HIF1AN: variants seen among roughly 807,000 people sequenced by gnomAD.
HIF1AN encodes hypoxia-inducible factor 1-alpha inhibitor.
Under a neutral mutation model 47.7 loss-of-function variants are expected in HIF1AN, and 21 were observed. That is an observed-to-expected ratio of 0.44 (90% CI 0.31 to 0.63). The LOEUF (loss-of-function observed/expected upper bound fraction) is 0.63, where lower values mean the gene tolerates loss of function less well. Among genes scored for constraint, HIF1AN ranks in the 30% least tolerant of loss-of-function variants. The pLI is 0.07. For missense variants in HIF1AN, 320 were observed against 432.7 expected (o/e 0.74, Z 2.31); for synonymous variants, 152 against 155.9 (o/e 0.98, Z 0.18).
chr10:100,548,340 C>A lies in HIF1AN; in HGVS notation c.*203C>A, dbSNP rs1843115352. ...TATTTGGAGGGACTTCATACCCTTG[C>A]CTCTTGTGCCCCAGCACCTTCTCTC... On this transcript the variant is annotated 3_prime_UTR_variant, in exon 8 of 8. Transcript: ENST00000299163. 1.2e-5 allele frequency: 6 copies of A among 496,332 alleles called. No homozygotes were observed. The South Asian group carries it at 2.0e-4, about 17-fold the overall frequency. 30.7% of individuals were successfully genotyped at this position (496,332 alleles called of 1,614,324 possible).
At chr10:100,543,362 A>T (rs1450456967) in intron 3 of HIF1AN, among the ~76,000 whole-genome samples, 2 of 151,838 alleles carry the variant, frequency 1.3e-5, no homozygotes, top group African/African-American at 2.4e-5. Flanking sequence ...GCTAATTTTT[A>T]AAGTATTTTT....
At chr10:100,537,509 T>G (rs565434821) in intron 2 of HIF1AN, among the ~76,000 whole-genome samples, 1 of 152,338 alleles carries the variant, frequency 6.6e-6, no homozygotes, top group South Asian at 2.1e-4. Context: ...TAGGATTCTC[T>G]AGCTTAGGGA....
chr10:100,541,669 T>C (rs1211478839), intron 3 of HIF1AN, among the ~76,000 whole-genome samples: 3 of 152,154 alleles, frequency 2.0e-5, no homozygotes, highest in Non-Finnish European at 2.9e-5. Context: ...CCGGCTTATG[T>C]CGAGTCTTTA....
rs1430298870 is a variant in HIF1AN, at chr10:100,545,046, G to A, written c.673G>A (p.Glu225Lys). The change falls in exon 4 of 8, where the codon GAG (glutamate) becomes AAG (lysine). Residue 225 changes from glutamate to lysine, a missense_variant. By Grantham distance (56) the Glu-to-Lys change is moderately conservative. Coordinates refer to ENST00000299163, the MANE Select transcript of HIF1AN (RefSeq NM_017902.3). ...RCILFPPDQF[E>K]CLYPYPVHHP... ...CATCTTATTCCCTCCGGATCAGTTCGAGTGCCTCTACCCATACCCTGTTCA... is the reference window on the plus strand; with the variant it reads ...CATCTTATTCCCTCCGGATCAGTTCAAGTGCCTCTACCCATACCCTGTTCA... The A allele has an allele frequency of 3.7e-6, 6 of 1,614,080 alleles. No homozygotes were observed. Among genetic ancestry groups the A allele is most frequent in the South Asian group, 2.2e-5 (2 of 91,090 alleles).
chr10:100,545,186 G>T, intron 4 of HIF1AN, 90 bp downstream of exon 4: 1 of 1,395,180 alleles, frequency 7.2e-7, no homozygotes, highest in East Asian at 2.3e-5. Context: ...GTAGTGATAT[G>T]CCAGGTTCGG....
At chr10:100,546,401 T>G in intron 5 of HIF1AN, 117 bp from the exon 6 acceptor site, 1 of 759,852 alleles carries the variant, frequency 1.3e-6, no homozygotes, top group Non-Finnish European at 2.3e-6. Flanking sequence ...TTCACTATTT[T>G]CCGTAACTGG....
At chr10:100,548,065 C>G (rs1843111049) in intron 7 of HIF1AN, 28 bp from the exon 8 acceptor site, 2 of 1,612,378 alleles carry the variant, frequency 1.2e-6, no homozygotes, top group Admixed American at 3.3e-5. Context: ...ACAGCCAGTT[C>G]TGATTGGCTC....
At chr10:100,538,286 T>C (rs1852253084) in intron 2 of HIF1AN, among the ~76,000 whole-genome samples, 1 of 152,188 alleles carries the variant, frequency 6.6e-6, no homozygotes, top group Admixed American at 6.5e-5. Context: ...TCAGCTTCAC[T>C]TCAACCTGAT....
chr10:100,539,109 A>G (rs553843723), intron 2 of HIF1AN, among the ~76,000 whole-genome samples: 1 of 152,032 alleles, frequency 6.6e-6, no homozygotes, highest in South Asian at 2.1e-4. Flanking sequence ...CAATTTATTT[A>G]TTTAAATACA....
At chr10:100,546,368 A>G (rs1589753398) in intron 5 of HIF1AN, 150 bp from the exon 6 acceptor site, 2 of 672,970 alleles carry the variant, frequency 3.0e-6, no homozygotes, top group East Asian at 5.4e-5. Flanking sequence ...TTTTTTTCAC[A>G]GGATGAGTGT....
chr10:100,543,550 C>T (rs2133725737), intron 3 of HIF1AN, among the ~76,000 whole-genome samples: 1 of 152,118 alleles, frequency 6.6e-6, no homozygotes, highest in Admixed American at 6.5e-5. Context: ...GGTTGACCTG[C>T]CAAGAAAGAG....
Position 100,554,062 on chromosome 10 carries a change from G to GTCTA in HIF1AN, c.*5926_*5929dup, listed in dbSNP as rs1244185148. The GTCTA allele has an allele frequency of 5.3e-5, 8 of 152,168 alleles. No individual in the cohort carries two copies. The highest frequency in any genetic ancestry group is 2.6e-4 in the Admixed American group (4 of 15,290). The allele number at this position is 152,168 out of a possible 1,614,324, so 9.4% of individuals were successfully genotyped here. A position where few individuals can be genotyped will look rare whatever the true frequency, so the allele number is the denominator to read the frequency against. The stretch of plus-strand genomic sequence containing the variant: ...TATTGAGTTGAGGGTAGACAGAAGA[G>GTCTA]TCTAGTACCTAAACTCACCCTAGAG... On this transcript the variant is annotated 3_prime_UTR_variant, in exon 8 of 8. Transcript: ENST00000299163.
At position 100,549,841 on chromosome 10, in the gene HIF1AN, T is replaced by C. The variant is rs1246630847; in HGVS notation, c.*1704T>C. The C allele has an allele frequency of 6.6e-6, 1 of 151,916 alleles. No individual in the cohort carries two copies. The highest frequency in any genetic ancestry group is 2.4e-5 in the African/African-American group (1 of 41,302). The allele number at this position is 151,916 out of a possible 1,614,324, so 9.4% of individuals were successfully genotyped here. On this transcript the variant is annotated 3_prime_UTR_variant, in exon 8 of 8. Transcript: ENST00000299163. ...GCTCAGTTATAGTGCACTGATGAAC[T>C]GAGAGGATGCGTGTGGATGTGTGTG...
intron 2 of HIF1AN, among the ~76,000 whole-genome samples, chr10:100,538,585 C>T (rs111673269): frequency 2.0e-5 from 3 of 152,076 alleles, no homozygotes; most frequent in African/African-American, 7.3e-5. Context: ...AATCTCAGCA[C>T]TTCGGGAGGC....
At chr10:100,538,403 G>C (rs1237521304) in intron 2 of HIF1AN, among the ~76,000 whole-genome samples, 1 of 152,060 alleles carries the variant, frequency 6.6e-6, no homozygotes, top group South Asian at 2.1e-4. Flanking sequence ...TTCATATATG[G>C]GCAGTATCAC....
rs886836119 is a variant in HIF1AN, at chr10:100,553,572, T to TC, written c.*5441dup. The TC allele has an allele frequency of 2.0e-5, 3 of 152,240 alleles. No homozygotes were observed. The highest frequency in any genetic ancestry group is 3.9e-4 in the East Asian group (2 of 5,174). The allele number at this position is 152,240 out of a possible 1,614,324, so 9.4% of individuals were successfully genotyped here. On this transcript the variant is annotated 3_prime_UTR_variant, in exon 8 of 8. Coordinates refer to ENST00000299163, the MANE Select transcript of HIF1AN (RefSeq NM_017902.3). ...CTGATGAAAGAATTTACATATGGGC[T>TC]CCCCCCTGCTTTCCCACTGAAAATC...
intron 2 of HIF1AN, among the ~76,000 whole-genome samples, chr10:100,538,298 G>A (rs890069743): frequency 1.3e-5 from 2 of 152,120 alleles, no homozygotes; most frequent in Non-Finnish European, 2.9e-5. Context: ...CAACCTGATT[G>A]GACAGGTTGT....
rs1160362021 is a variant in HIF1AN at position 100,553,729 on chromosome 10, C to G, written c.*5592C>G. 1 of 152,238 alleles carries G rather than the reference C, an allele frequency of 6.6e-6. No individual in the cohort carries two copies. Among genetic ancestry groups the G allele is most frequent in the Non-Finnish European group, 1.5e-5 (1 of 68,058 alleles). 9.4% of individuals were successfully genotyped at this position (152,238 alleles called of 1,614,324 possible). Reference sequence around the variant, plus strand: ...AATTTCTAGCTTCACTACTTACCAGCTGGGTTTGACCTTGGTTGATTTACT... The same window carrying G: ...AATTTCTAGCTTCACTACTTACCAGGTGGGTTTGACCTTGGTTGATTTACT... On this transcript the variant is annotated 3_prime_UTR_variant, in exon 8 of 8. Transcript: ENST00000299163.
intron 2 of HIF1AN, among the ~76,000 whole-genome samples, chr10:100,539,942 T>G (rs1474333795): frequency 1.3e-5 from 2 of 152,306 alleles, no homozygotes; most frequent in African/African-American, 4.8e-5. Flanking sequence ...TCTGAAATTG[T>G]GTGAAAGTTC....
Sources: gnomAD v4.1 joint callset for allele counts (sites outside exome capture counted in the v4.1 genomes callset) on GRCh38, gnomAD v4.1.1 for gene constraint, MANE v1.5 for transcripts, NCBI Gene and HGNC (gene_info 2026-07-23, HGNC 2026-07-21) for gene names.